Variants in RALGPS1 observed in about 807,000 individuals in gnomAD.
RALGPS1 encodes Ral GEF with PH domain and SH3 binding motif 1.
A neutral mutation model predicts 78.8 loss-of-function variants in RALGPS1; 19 were observed. That is an observed-to-expected ratio of 0.24 (90% CI 0.17 to 0.35). RALGPS1 has a LOEUF of 0.35. Ranked by LOEUF, RALGPS1 falls within the 10% of genes least tolerant of loss-of-function variation. RALGPS1 has a pLI of 1.00. For missense variants in RALGPS1, 454 were observed against 688.3 expected (o/e 0.66, Z 3.81); for synonymous variants, 228 against 256.3 (o/e 0.89, Z 1.06).
At chr9:126,983,167 C>G (rs994739010) in intron 4 of RALGPS1, among the ~76,000 whole-genome samples, 42 of 152,008 alleles carry the variant, frequency 2.8e-4, no homozygotes, top group Non-Finnish European at 1.3e-4. Flanking sequence ...GAATTCCTGA[C>G]CTCAGGTGAT....
At chr9:127,184,152 C>T (rs2060478136) in intron 11 of RALGPS1, 1 of 1,090,034 alleles carries the variant, frequency 9.2e-7, no homozygotes. Context: ...ATGGCAAAAC[C>T]CCATCTCTAC....
intron 18 of RALGPS1, chr9:127,217,544 T>A: frequency 1.7e-6 from 1 of 585,310 alleles, no homozygotes; most frequent in Non-Finnish European, 2.2e-6. Flanking sequence ...ACCTTATCTA[T>A]AACATATGTA....
intron 17 of RALGPS1, chr9:127,214,016 A>G (rs1564809151): frequency 6.6e-6 from 1 of 152,184 alleles, no homozygotes; most frequent in Non-Finnish European, 1.5e-5. Flanking sequence ...TGTCTGAGTG[A>G]CTGAAGCCAC....
At chr9:126,942,728 C>T (rs550027671) in intron 1 of RALGPS1, among the ~76,000 whole-genome samples, 6 of 152,278 alleles carry the variant, frequency 3.9e-5, no homozygotes, top group African/African-American at 1.2e-4. Context: ...CAAAATGAAT[C>T]CCCTTAGGAT....
At chr9:127,008,000 A>G (rs1275571626) in intron 4 of RALGPS1, among the ~76,000 whole-genome samples, 2 of 152,100 alleles carry the variant, frequency 1.3e-5, no homozygotes, top group African/African-American at 2.4e-5. Flanking sequence ...GCAGTGGACA[A>G]GGGTGACCCA....
At chr9:126,940,309 A>G (rs984916411) in intron 1 of RALGPS1, among the ~76,000 whole-genome samples, 2 of 152,086 alleles carry the variant, frequency 1.3e-5, no homozygotes, top group Admixed American at 6.6e-5. Context: ...TTATAAACCT[A>G]TGATTGAAAG....
At chr9:126,951,370 G>A (rs997899882) in intron 1 of RALGPS1, among the ~76,000 whole-genome samples, 2 of 150,060 alleles carry the variant, frequency 1.3e-5, no homozygotes, top group Non-Finnish European at 3.0e-5. Flanking sequence ...AACCAAAAAA[G>A]AGAATTTTAG....
Position 127,108,541 on chromosome 9 carries a change from C to T in RALGPS1, c.610+39185C>T, listed in dbSNP as rs747522447. On this transcript the variant is annotated intron_variant, in intron 8 of 18. Coordinates refer to ENST00000259351, the MANE Select transcript of RALGPS1 (RefSeq NM_014636.3). ...GTTGACGCAGATGGCACCCGTGACC[C>T]GCTGCTGGGGCACAATGAAGGTGTA... 3.2e-5 allele frequency: 51 copies of T among 1,613,198 alleles called. No individual in the cohort carries two copies. The South Asian group carries it at 5.1e-4, about 16-fold the overall frequency.
At chr9:126,942,098 T>G (rs1361240294) in intron 1 of RALGPS1, among the ~76,000 whole-genome samples, 1 of 152,234 alleles carries the variant, frequency 6.6e-6, no homozygotes, top group Non-Finnish European at 1.5e-5. Context: ...CCACCCATCT[T>G]CCGAGTGTTG....
At chr9:126,982,856 T>A (rs2041398066) in intron 4 of RALGPS1, among the ~76,000 whole-genome samples, 1 of 146,312 alleles carries the variant, frequency 6.8e-6, no homozygotes, top group African/African-American at 2.5e-5. Flanking sequence ...TTCTTCCTCC[T>A]CCTTCTTCTT....
At chr9:126,966,389 G>A (rs904414271) in intron 3 of RALGPS1, among the ~76,000 whole-genome samples, 1 of 151,942 alleles carries the variant, frequency 6.6e-6, no homozygotes, top group Non-Finnish European at 1.5e-5. Flanking sequence ...CAGGTGTGGT[G>A]GCACACACTT....
At chr9:127,209,796 C>T (rs1465853051) in intron 14 of RALGPS1, among the ~76,000 whole-genome samples, 2 of 152,176 alleles carry the variant, frequency 1.3e-5, no homozygotes, top group East Asian at 1.9e-4. Context: ...CGGCCCCACA[C>T]TACCCACAGG....
In RALGPS1 at chr9:127,222,810, A is replaced by G. The variant is rs2062808827; in HGVS notation, c.*4041A>G. ...AAATGTTGCATAGAGAGTAGTTTTC[A>G]ATTTCTTATGTACTCTTCGAAGTAA... On this transcript the variant is annotated 3_prime_UTR_variant, in exon 19 of 19. Transcript: ENST00000259351. 6.6e-6 allele frequency: 1 copy of G among 152,660 alleles called. No homozygotes were observed. Among genetic ancestry groups the G allele is most frequent in the Non-Finnish European group, 1.5e-5 (1 of 68,040 alleles). The allele number at this position is 152,660 out of a possible 1,614,324, so 9.5% of individuals were successfully genotyped here.
At chr9:127,018,977 A>T (rs2134107560) in intron 4 of RALGPS1, among the ~76,000 whole-genome samples, 1 of 152,352 alleles carries the variant, frequency 6.6e-6, no homozygotes, top group Non-Finnish European at 1.5e-5. Context: ...ATATTGAGTT[A>T]AATAAAATAA....
chr9:127,177,546 TGCCTCAGCCTCAGCCTCAGCCTCA>T (rs201665675), intron 11 of RALGPS1, among the ~76,000 whole-genome samples: 1 of 152,050 alleles, frequency 6.6e-6, no homozygotes, highest in African/African-American at 2.4e-5. Flanking sequence ...CCCAGGGCCC[TGCCTCAGCCTCAGCCTCAGCCTCA>T]GCCTCAGCCT....
chr9:127,200,813 G>A (rs577725437), intron 14 of RALGPS1, among the ~76,000 whole-genome samples: 3 of 152,344 alleles, frequency 2.0e-5, no homozygotes, highest in East Asian at 3.9e-4. Flanking sequence ...TTACAGGCAG[G>A]CCAGCACCTC....
chr9:127,216,606 A>C (rs1196188341), intron 18 of RALGPS1, among the ~76,000 whole-genome samples: 2 of 152,240 alleles, frequency 1.3e-5, no homozygotes, highest in Non-Finnish European at 2.9e-5. Context: ...ATACACAAGA[A>C]ATGGTAATTC....
intron 1 of RALGPS1, among the ~76,000 whole-genome samples, chr9:126,920,736 A>G (rs2034671206): frequency 6.6e-6 from 1 of 152,164 alleles, no homozygotes; most frequent in South Asian, 2.1e-4. Flanking sequence ...CTTGTAATGG[A>G]TGCTGGACAC....
At chr9:126,975,945 C>T (rs1436149066) in intron 3 of RALGPS1, among the ~76,000 whole-genome samples, 6 of 152,182 alleles carry the variant, frequency 3.9e-5, no homozygotes, top group Non-Finnish European at 7.3e-5. Flanking sequence ...TAGCTCCGCT[C>T]CTGGGAGAGT....
Sources: allele counts gnomAD v4.1 joint callset (sites outside exome capture counted in the v4.1 genomes callset), GRCh38; gene constraint gnomAD v4.1.1; transcripts MANE v1.5; gene names NCBI Gene and HGNC (gene_info 2026-07-23, HGNC 2026-07-21).